The following ATXN2 variants were observed in gnomAD, a reference collection of about 807,000 sequenced individuals.
ATXN2 encodes ataxin-2.
A neutral mutation model predicts 138.6 loss-of-function variants in ATXN2; 37 were observed. The ratio of observed to expected loss-of-function variants is 0.27; its 90% CI spans 0.21 to 0.35. The LOEUF (loss-of-function observed/expected upper bound fraction) is 0.35. Among genes scored for constraint, ATXN2 ranks in the 10% least tolerant of loss-of-function variants. The pLI is 1.00. For synonymous variants in ATXN2, 549 were observed against 543.7 expected, an observed-to-expected ratio of 1.01 and a Z score of -0.13; for missense variants, 1,216 against 1,480.3, an observed-to-expected ratio of 0.82 and a Z score of 2.93.
intron 20 of ATXN2, among the ~76,000 whole-genome samples, 174 bp from the exon 21 acceptor site, chr12:111,464,889 C>T (rs992604736): frequency 3.3e-5 from 5 of 152,148 alleles, no homozygotes; most frequent in African/African-American, 1.2e-4. Context: ...AGGACTAAAC[C>T]GGAAGACACT....
intron 5 of ATXN2, among the ~76,000 whole-genome samples, chr12:111,536,869 G>A (rs926786082): frequency 4.2e-5 from 6 of 143,544 alleles, no homozygotes; most frequent in South Asian, 2.2e-4. Flanking sequence ...CTGTAGCCTC[G>A]GCTTCCCAGC....
intron 7 of ATXN2, 101 bp from the exon 8 acceptor site, chr12:111,520,177 G>A (rs961190345): frequency 1.1e-5 from 15 of 1,383,394 alleles, no homozygotes; most frequent in Admixed American, 7.2e-5. Context: ...TTAGAATACT[G>A]GTAAAAACAG....
chr12:111,495,951 C>G (rs1878395982), intron 14 of ATXN2, among the ~76,000 whole-genome samples: 1 of 148,550 alleles, frequency 6.7e-6, no homozygotes, highest in African/African-American at 2.5e-5. Context: ...CGAAACAACC[C>G]TGGGACACAT....
intron 1 of ATXN2, among the ~76,000 whole-genome samples, chr12:111,567,552 G>A (rs184200660): frequency 1.0e-3 from 153 of 150,026 alleles, no homozygotes; most frequent in Non-Finnish European, 1.5e-3. Flanking sequence ...AGTGGCTCAT[G>A]CCTGTAGTCC....
intron 8 of ATXN2, 108 bp from the exon 9 acceptor site, chr12:111,518,535 C>T: frequency 8.5e-7 from 1 of 1,180,034 alleles, no homozygotes; most frequent in South Asian, 1.8e-5. Flanking sequence ...CAAAAAGGTT[C>T]TACACTAAAC....
At chr12:111,470,410 C>T (rs559624801) in intron 19 of ATXN2, 148 bp downstream of exon 19, 7 of 1,143,748 alleles carry the variant, frequency 6.1e-6, no homozygotes, top group African/African-American at 4.7e-5. Context: ...CAGTAACCTT[C>T]GAATATATAT....
chr12:111,556,115 G>A (rs1016055940), intron 1 of ATXN2, among the ~76,000 whole-genome samples, 196 bp from the exon 2 acceptor site: 3 of 152,124 alleles, frequency 2.0e-5, no homozygotes, highest in African/African-American at 4.8e-5. Context: ...ACAACAGGTA[G>A]GGGTCATAGA....
chr12:111,497,370 T>C (rs1372076351), intron 14 of ATXN2, among the ~76,000 whole-genome samples: 1 of 152,100 alleles, frequency 6.6e-6, no homozygotes, highest in Non-Finnish European at 1.5e-5. Flanking sequence ...ACTTCTAAAC[T>C]CATTCTACAA....
chr12:111,534,296 G>A (rs1476519653), intron 5 of ATXN2, among the ~76,000 whole-genome samples: 1 of 151,976 alleles, frequency 6.6e-6, no homozygotes. Flanking sequence ...AGGTACTCGG[G>A]AGGCTGAGGT....
At position 111,598,838 on chromosome 12, in the gene ATXN2, G is replaced by A. The variant is rs1885078334; in HGVS notation, c.197C>T (p.Ala66Val). 3 of 1,469,246 alleles carry A rather than the reference G, an allele frequency of 2.0e-6. No individual in the cohort carries two copies. The highest frequency in any genetic ancestry group is 1.3e-5 in the South Asian group (1 of 78,392). The allele number at this position is 1,469,246 out of a possible 1,614,324, so 91.0% of individuals were successfully genotyped here. ...SSSVSSSSAT[A>V]PSSVVAATSG... ...GGTCGCCGCGACCACCGAGGAGGGA[G>A]CCGTGGCCGAGGACGAGGAGACCGA... is the stretch of plus-strand genomic sequence containing the variant. Residue 66 changes from alanine to valine, a missense_variant, in exon 1 of 25, where the codon GCT becomes GTT. Physicochemically the swap from Ala to Val is moderately conservative, Grantham distance 64. Transcript: ENST00000673436. The surrounding 1 kb of genome is among the most constrained non-coding windows in gnomAD (Gnocchi z 4.5).
At chr12:111,596,245 C>CACA in intron 1 of ATXN2, among the ~76,000 whole-genome samples, 1 of 124,434 alleles carries the variant, frequency 8.0e-6, no homozygotes, top group East Asian at 2.0e-4. Flanking sequence ...CACACACACA[C>CACA]AAAATTAGAT....
chr12:111,577,070 G>C (rs1470944463), intron 1 of ATXN2, among the ~76,000 whole-genome samples: 2 of 151,920 alleles, frequency 1.3e-5, no homozygotes, highest in Non-Finnish European at 2.9e-5. Context: ...GCCTCCCAAA[G>C]TGCTGGGATT....
chr12:111,485,656 TG>T, intron 17 of ATXN2, 56 bp downstream of exon 17: 22 of 1,590,294 alleles, frequency 1.4e-5, no homozygotes, highest in Non-Finnish European at 1.8e-5. Context: ...AAAGAGTGCT[TG>T]GTGTCAGATA....
chr12:111,501,740 G>C (rs1878777376), intron 14 of ATXN2, among the ~76,000 whole-genome samples: 1 of 152,150 alleles, frequency 6.6e-6, no homozygotes, highest in South Asian at 2.1e-4. Context: ...CTTTAGTAGA[G>C]GCGATCCACA....
At chr12:111,597,843 G>C (rs1473789438) in intron 1 of ATXN2, 1 of 1,284,242 alleles carries the variant, frequency 7.8e-7, no homozygotes, top group Non-Finnish European at 1.0e-6. Context: ...AAGTGCGCAG[G>C]GTGCCCGCCC....
intron 1 of ATXN2, among the ~76,000 whole-genome samples, chr12:111,569,839 C>T (rs1261352459): frequency 6.6e-6 from 1 of 152,004 alleles, no homozygotes; most frequent in Non-Finnish European, 1.5e-5. Context: ...CAACTAGATC[C>T]AACCTAGACA....
At chr12:111,456,716 T>C (rs1875128684) in intron 22 of ATXN2, among the ~76,000 whole-genome samples, 1 of 152,192 alleles carries the variant, frequency 6.6e-6, no homozygotes, top group African/African-American at 2.4e-5. Flanking sequence ...TCCAATCACC[T>C]TATTATCAAC....
intron 18 of ATXN2, among the ~76,000 whole-genome samples, chr12:111,474,436 G>T (rs1876650167): frequency 6.6e-6 from 1 of 151,812 alleles, no homozygotes; most frequent in Non-Finnish European, 1.5e-5. Context: ...CAAAGAAGAA[G>T]AAAGACAAGA....
intron 14 of ATXN2, among the ~76,000 whole-genome samples, chr12:111,503,886 G>A (rs904508779): frequency 4.6e-5 from 7 of 152,142 alleles, no homozygotes; most frequent in Admixed American, 1.3e-4. Flanking sequence ...CACCGTGCCC[G>A]GCCCACTCTC....
Sources: gnomAD v4.1 joint callset for allele counts (sites outside exome capture counted in the v4.1 genomes callset) on GRCh38, gnomAD v4.1.1 for gene constraint, Gnocchi (gnomAD v3.1) non-coding constraint, MANE v1.5 for transcripts, NCBI Gene and HGNC (gene_info 2026-07-23, HGNC 2026-07-21) for gene names.